The following SEMA3D variants were observed in gnomAD, a reference collection of about 807,000 sequenced individuals.
SEMA3D encodes the protein semaphorin-3D.
Under a neutral mutation model 100.1 loss-of-function variants are expected in SEMA3D, and 84 were observed. That is an observed-to-expected ratio of 0.84 (90% CI 0.70 to 1.01). SEMA3D has a LOEUF of 1.01. SEMA3D is among the 50% of genes least tolerant of loss of function. The probability of loss-of-function intolerance (pLI) is 0.00; values close to 1 mark genes in which losing one functional copy is unlikely to be tolerated. For missense variants in SEMA3D, 875 were observed against 934.1 expected, an observed-to-expected ratio of 0.94 and a Z score of 0.82; for synonymous variants, 312 against 320.7, an observed-to-expected ratio of 0.97 and a Z score of 0.29.
At chr7:85,178,485 T>G (rs1163507661) in intron 1 of SEMA3D, among the ~76,000 whole-genome samples, 8 of 152,196 alleles carry the variant, frequency 5.3e-5, no homozygotes, top group Non-Finnish European at 1.2e-4. Flanking sequence ...TAAAGGTGTC[T>G]CTTGCTATGT....
rs182904873 is a variant in SEMA3D, at chr7:85,184,232, G to T, written c.-173+2446C>A. On this transcript the variant is annotated intron_variant, in intron 1 of 18. Transcript: ENST00000284136. The stretch of plus-strand genomic sequence containing the variant: ...TTAGAAAGCCCTCCCATTAAGTGGG[G>T]TCATGACAACTTTCTTGAAGTTTCT... Among the ~76,000 whole-genome samples the T allele has an allele frequency of 9.7e-4, 148 of 152,266 alleles. 1 individual carries two copies. The highest frequency in any genetic ancestry group is 3.5e-3 in the African/African-American group (144 of 41,552).
At chr7:85,176,669 TGA>T (rs1179478787) in intron 1 of SEMA3D, among the ~76,000 whole-genome samples, 2 of 151,902 alleles carry the variant, frequency 1.3e-5, no homozygotes, top group Non-Finnish European at 2.9e-5. Flanking sequence ...GAAAGCTTCC[TGA>T]GAGACACTAA....
At chr7:85,140,369 T>G in intron 2 of SEMA3D, 2 of 978,728 alleles carry the variant, frequency 2.0e-6, no homozygotes, top group Non-Finnish European at 2.4e-6. Context: ...ATCCAGCCAG[T>G]AGATGTTGGT....
intron 12 of SEMA3D, among the ~76,000 whole-genome samples, chr7:85,030,978 T>C (rs931423189): frequency 6.6e-6 from 1 of 152,052 alleles, no homozygotes; most frequent in African/African-American, 2.4e-5. Context: ...ATATGGCTTG[T>C]TCAAATATTC....
upstream of SEMA3D, among the ~76,000 whole-genome samples, chr7:85,188,255 C>G (rs1477619158): frequency 1.3e-5 from 2 of 152,154 alleles, no homozygotes; most frequent in Non-Finnish European, 2.9e-5. Flanking sequence ...TAAGGAAAGG[C>G]TCAGGTTTCT....
At chr7:85,061,230 A>G (rs1251162484) in intron 8 of SEMA3D, among the ~76,000 whole-genome samples, 1 of 152,086 alleles carries the variant, frequency 6.6e-6, no homozygotes, top group Non-Finnish European at 1.5e-5. Context: ...CTCGTAAGGT[A>G]TTTGCTAGAT....
chr7:85,128,877 T>G (rs933881680), intron 2 of SEMA3D, among the ~76,000 whole-genome samples: 1 of 123,162 alleles, frequency 8.1e-6, no homozygotes, highest in Non-Finnish European at 1.6e-5. Context: ...ATATATATAT[T>G]TTTTTCCTTT....
At chr7:85,052,784 C>T (rs534357782) in intron 9 of SEMA3D, among the ~76,000 whole-genome samples, 1 of 151,796 alleles carries the variant, frequency 6.6e-6, no homozygotes, top group African/African-American at 2.4e-5. Flanking sequence ...GCATTTTGCG[C>T]AGAAATTATT....
chr7:85,141,975 A>C (rs1790062020), intron 2 of SEMA3D: 2 of 982,134 alleles, frequency 2.0e-6, no homozygotes, highest in Admixed American at 1.2e-4. Context: ...AGAGTTAAAA[A>C]ATGCATTAAC....
chr7:85,200,366 A>T, the SEMA3D span, among the ~76,000 whole-genome samples: 178 of 152,292 alleles, frequency 1.2e-3, no homozygotes, highest in African/African-American at 3.8e-3. Context: ...GTGGTCTCAG[A>T]TGGAGATGAG....
chr7:85,025,832 A>G (rs2115874352), intron 12 of SEMA3D, among the ~76,000 whole-genome samples: 1 of 152,164 alleles, frequency 6.6e-6, no homozygotes, highest in Non-Finnish European at 1.5e-5. Flanking sequence ...TCAGAGACAA[A>G]GAGGCCGGGG....
At chr7:85,051,259 C>A (rs1048138084) in intron 9 of SEMA3D, among the ~76,000 whole-genome samples, 5 of 151,888 alleles carry the variant, frequency 3.3e-5, no homozygotes, top group Non-Finnish European at 5.9e-5. Context: ...AAGCCTAGAT[C>A]TGATTTTAAG....
chr7:85,180,424 G>A (rs1198412544), intron 1 of SEMA3D, among the ~76,000 whole-genome samples: 2 of 152,130 alleles, frequency 1.3e-5, no homozygotes, highest in African/African-American at 2.4e-5. Context: ...TCTTGGATAT[G>A]TCTTCATAGC....
At chr7:85,149,170 C>T (rs530543511) in intron 2 of SEMA3D, among the ~76,000 whole-genome samples, 20 of 152,068 alleles carry the variant, frequency 1.3e-4, no homozygotes, top group African/African-American at 4.3e-4. Context: ...CTTGGCCAGG[C>T]GTGGTGGCTC....
At chr7:85,183,690 C>T (rs1390190149) in intron 1 of SEMA3D, among the ~76,000 whole-genome samples, 1 of 152,226 alleles carries the variant, frequency 6.6e-6, no homozygotes, top group Admixed American at 6.5e-5. Context: ...AAGAAAGCCA[C>T]AGCAATTACT....
the SEMA3D span, among the ~76,000 whole-genome samples, chr7:85,204,881 A>G: frequency 6.6e-6 from 1 of 152,102 alleles, no homozygotes; most frequent in East Asian, 1.9e-4. Flanking sequence ...ATATCTTGAA[A>G]TAAACTCAGA....
At chr7:85,122,248 T>G (rs1276590561) in intron 2 of SEMA3D, among the ~76,000 whole-genome samples, 4 of 151,066 alleles carry the variant, frequency 2.6e-5, no homozygotes, top group African/African-American at 9.8e-5. Context: ...AAAAAAACTA[T>G]TAAGATAACA....
intron 12 of SEMA3D, among the ~76,000 whole-genome samples, chr7:85,023,579 T>A (rs530337601): frequency 3.9e-5 from 6 of 152,002 alleles, no homozygotes; most frequent in Admixed American, 3.3e-4. Context: ...CAGATTTTTT[T>A]AATGGTGCTT....
the SEMA3D span, among the ~76,000 whole-genome samples, chr7:85,229,214 C>T: frequency 6.6e-6 from 1 of 151,936 alleles, no homozygotes; most frequent in Non-Finnish European, 1.5e-5. Flanking sequence ...TGTAAGCCTT[C>T]AGAAGATAAA....
Sources: allele counts gnomAD v4.1 joint callset (sites outside exome capture counted in the v4.1 genomes callset), GRCh38; gene constraint gnomAD v4.1.1; transcripts MANE v1.5; gene names NCBI Gene and HGNC (gene_info 2026-07-23, HGNC 2026-07-21).